DUSP22: variants seen among roughly 807,000 people sequenced by gnomAD.
DUSP22 encodes dual specificity protein phosphatase 22.
Under a neutral mutation model 24.5 loss-of-function variants are expected in DUSP22, and 24 were observed. That is an observed-to-expected ratio of 0.98 (90% CI 0.71 to 1.38). The LOEUF is 1.38. Among genes scored for constraint, DUSP22 ranks in the 40% most tolerant of loss-of-function variants. DUSP22 has a pLI of 0.00. For missense variants in DUSP22, 330 were observed against 269.2 expected, an observed-to-expected ratio of 1.23 and a Z score of -1.58; for synonymous variants, 160 against 106.4, an observed-to-expected ratio of 1.50 and a Z score of -3.10.
chr6:303,681 T>C (rs961290015), intron 1 of DUSP22, among the ~76,000 whole-genome samples: 14 of 152,304 alleles, frequency 9.2e-5, no homozygotes, highest in Non-Finnish European at 1.2e-4. Flanking sequence ...GCAAGTGATA[T>C]CGTGAGCATA....
chr6:325,951 G>A lies in DUSP22; in HGVS notation c.139-9163G>A, dbSNP rs9503283. 2 of 134,240 alleles carry A rather than the reference G, an allele frequency of 1.5e-5. 1 individual carries two copies. Among genetic ancestry groups the A allele is most frequent in the Non-Finnish European group, 2.6e-5 (2 of 78,076 alleles). The allele number at this position is 134,240 out of a possible 1,614,324, so 8.3% of individuals were successfully genotyped here. On this transcript the variant is annotated intron_variant, in intron 3 of 6. Coordinates refer to ENST00000419235, the MANE Select transcript of DUSP22 (RefSeq NM_001286555.3). ...TGCTGGTGCCTGGAGAGTCATCTGC[G>A]CTGGGCTTCTGCGTCCTGGTGTGTG... is the stretch of plus-strand genomic sequence containing the variant.
intron 1 of DUSP22, among the ~76,000 whole-genome samples, chr6:302,500 C>T (rs1238021181): frequency 1.3e-5 from 2 of 152,310 alleles, no homozygotes; most frequent in African/African-American, 4.8e-5. Flanking sequence ...TGTCACTGTC[C>T]CCAGGAAGCC....
At position 351,245 on chromosome 6, in the gene DUSP22, C is replaced by T; in HGVS notation, c.*2294C>T. The T allele has an allele frequency of 4.2e-6, 1 of 237,280 alleles. No homozygotes were observed. The highest frequency in any genetic ancestry group is 8.2e-6 in the Non-Finnish European group (1 of 122,502). The allele number at this position is 237,280 out of a possible 1,614,324, so 14.7% of individuals were successfully genotyped here. On this transcript the variant is annotated 3_prime_UTR_variant, in exon 7 of 7. Transcript: ENST00000419235. ...GCCCGTGTGTTCTCAAATTCCCCAG[C>T]TTGGGAAATAGCCCTTGGTGTGGGT...
intron 3 of DUSP22, among the ~76,000 whole-genome samples, chr6:313,614 C>G (rs570503398): frequency 6.6e-6 from 1 of 152,412 alleles, no homozygotes; most frequent in Non-Finnish European, 1.5e-5. Flanking sequence ...CTTTTCTTCA[C>G]TGGGACAGCT....
chr6:317,537 T>C (rs914752324), intron 3 of DUSP22, among the ~76,000 whole-genome samples: 17 of 152,424 alleles, frequency 1.1e-4, no homozygotes, highest in African/African-American at 4.1e-4. Context: ...GTCAGGGTCC[T>C]CCGAGCTCAG....
At chr6:338,767 G>A (rs1180161643) in intron 4 of DUSP22, among the ~76,000 whole-genome samples, 4 of 152,302 alleles carry the variant, frequency 2.6e-5, no homozygotes, top group African/African-American at 9.6e-5. Context: ...CAGCTTTGAT[G>A]TAATTTAACA....
intron 2 of DUSP22, among the ~76,000 whole-genome samples, chr6:305,544 C>T (rs1757782880): frequency 6.6e-6 from 1 of 152,308 alleles, no homozygotes. Context: ...TCTTCTCACA[C>T]ATTTCCTGCC....
At chr6:347,870 A>G (rs143720703) in intron 5 of DUSP22, among the ~76,000 whole-genome samples, 157 of 152,368 alleles carry the variant, frequency 1.0e-3, no homozygotes, top group African/African-American at 3.4e-3. Flanking sequence ...GAAAACCAAT[A>G]AAAGAAGCTC....
In DUSP22 at chr6:324,533, A is replaced by G. The variant is rs1758760203; in HGVS notation, c.139-10581A>G. Among the ~76,000 whole-genome samples, 5 of 152,292 alleles carry G rather than the reference A, an allele frequency of 3.3e-5. No individual in the cohort carries two copies. The South Asian group carries it at 1.0e-3, about 32-fold the overall frequency. On this transcript the variant is annotated intron_variant, in intron 3 of 6. Transcript: ENST00000419235. ...AGAGCCGCTGTTCTCATTTCTCTCC[A>G]CTCTCCCACCCCGTGGACGTTCTTT...
intron 4 of DUSP22, among the ~76,000 whole-genome samples, chr6:344,240 A>G (rs1024239385): frequency 6.6e-6 from 1 of 150,556 alleles, no homozygotes; most frequent in African/African-American, 2.5e-5. Flanking sequence ...AAAGAGTTAG[A>G]AGAAGAAAGG....
At chr6:331,605 G>T (rs536258185) in intron 3 of DUSP22, among the ~76,000 whole-genome samples, 114 of 152,384 alleles carry the variant, frequency 7.5e-4, no homozygotes, top group African/African-American at 2.6e-3. Flanking sequence ...TTATTCATTA[G>T]TACTAGGATA....
intron 1 of DUSP22, among the ~76,000 whole-genome samples, chr6:293,906 C>T (rs1757208270): frequency 6.6e-6 from 1 of 151,534 alleles, no homozygotes; most frequent in African/African-American, 2.4e-5. Flanking sequence ...TCCATCAGCA[C>T]CACGAGCCTT....
Position 349,236 on chromosome 6 carries a change from TG to T in DUSP22, c.*286del, listed in dbSNP as rs1203144622. 1.0e-5 allele frequency: 14 copies of T among 1,367,980 alleles called. No individual in the cohort carries two copies. The African/African-American group carries it at 1.9e-4, about 18-fold the overall frequency. The allele number at this position is 1,367,980 out of a possible 1,614,324, so 84.7% of individuals were successfully genotyped here. A position where few individuals can be genotyped will look rare whatever the true frequency, so the allele number is the denominator to read the frequency against. Reference sequence around the variant, plus strand: ...GTGTGTGAGTGCACTTGTGTGTGGGTGACTAAGTGGATGCATGTGTGTGCCT... The same window carrying T: ...GTGTGTGAGTGCACTTGTGTGTGGGTACTAAGTGGATGCATGTGTGTGCCT... On this transcript the variant is annotated 3_prime_UTR_variant, in exon 7 of 7. Transcript: ENST00000419235.
At chr6:304,776 G>A (rs1757746000) in intron 2 of DUSP22, 115 bp downstream of exon 2, 3 of 1,431,994 alleles carry the variant, frequency 2.1e-6, no homozygotes, top group African/African-American at 2.8e-5. Flanking sequence ...TTGCTGTGCA[G>A]CCATCACCAA....
Position 350,688 on chromosome 6 carries a change from C to G in DUSP22, c.*1737C>G. The G allele has an allele frequency of 6.4e-7, 1 of 1,570,936 alleles. No homozygotes were observed. The highest frequency in any genetic ancestry group is 8.6e-7 in the Non-Finnish European group (1 of 1,158,434). ...GTTTTTCCTAAGCCAAAAATAAATA[C>G]GTTAACAGAAAAATGATTTAGGATA... On this transcript the variant is annotated 3_prime_UTR_variant, in exon 7 of 7. Transcript: ENST00000419235.
rs1035859046 is a variant in DUSP22 at position 324,276 on chromosome 6, C to T, written c.139-10838C>T. On this transcript the variant is annotated intron_variant, in intron 3 of 6. Transcript: ENST00000419235. Reference sequence around the variant, plus strand: ...GCCTCCTTCTGTGCCATGCTAGCAGCGGCAGGCGTGGAGAGGGTGGAGGGC... The same window carrying T: ...GCCTCCTTCTGTGCCATGCTAGCAGTGGCAGGCGTGGAGAGGGTGGAGGGC... Among the ~76,000 whole-genome samples the T allele has an allele frequency of 9.8e-5, 15 of 152,402 alleles. No individual in the cohort carries two copies. In the East Asian group the frequency reaches 1.3e-3, roughly 14 times the overall value.
chr6:296,020 G>A (rs977719433), intron 1 of DUSP22, among the ~76,000 whole-genome samples: 1 of 138,434 alleles, frequency 7.2e-6, no homozygotes, highest in Admixed American at 7.7e-5. Context: ...TCTTTCCTTT[G>A]AGCTGAGATG....
At chr6:296,732 G>A (rs535884967) in intron 1 of DUSP22, among the ~76,000 whole-genome samples, 76 of 152,390 alleles carry the variant, frequency 5.0e-4, no homozygotes, top group Non-Finnish European at 1.0e-3. Flanking sequence ...TGTCAGAGAA[G>A]GCTGCCCCAA....
chr6:302,523 A>G (rs1384704500), intron 1 of DUSP22, among the ~76,000 whole-genome samples: 2 of 152,312 alleles, frequency 1.3e-5, no homozygotes, highest in Non-Finnish European at 2.9e-5. Context: ...CTGCGACCCC[A>G]GAGTGGTCAG....
Sources: allele counts gnomAD v4.1 joint callset (sites outside exome capture counted in the v4.1 genomes callset), GRCh38; gene constraint gnomAD v4.1.1; transcripts MANE v1.5; gene names NCBI Gene and HGNC (gene_info 2026-07-23, HGNC 2026-07-21).